The following SDK1 variants were observed in gnomAD, a reference collection of about 807,000 sequenced individuals.
The protein encoded by SDK1 is protein sidekick-1.
Under a neutral mutation model 245.5 loss-of-function variants are expected in SDK1, and 157 were observed. The ratio of observed to expected loss-of-function variants is 0.64; its 90% CI spans 0.56 to 0.73. The LOEUF (loss-of-function observed/expected upper bound fraction) is 0.73, where lower values mean the gene tolerates loss of function less well. SDK1 is among the 30% of genes least tolerant of loss of function. The probability of loss-of-function intolerance (pLI) is 0.00; values close to 1 mark genes in which losing one functional copy is unlikely to be tolerated. For missense variants in SDK1, 3,583 were observed against 3,002.3 expected (o/e 1.19, Z -4.52); for synonymous variants, 1,647 against 1,278.5 (o/e 1.29, Z -6.15).
At chr7:3,778,371 G>C (rs915889592) in intron 4 of SDK1, among the ~76,000 whole-genome samples, 1 of 152,164 alleles carries the variant, frequency 6.6e-6, no homozygotes, top group African/African-American at 2.4e-5. Flanking sequence ...TAATGCTTTT[G>C]TTAAGTGTTT....
At chr7:3,382,658 G>C (rs1781516400) in intron 1 of SDK1, among the ~76,000 whole-genome samples, 3 of 152,122 alleles carry the variant, frequency 2.0e-5, no homozygotes, top group Admixed American at 6.5e-5. Flanking sequence ...CTTTAAATGA[G>C]TATGTTTGAT....
At chr7:3,828,794 G>A (rs1779843253) in intron 5 of SDK1, among the ~76,000 whole-genome samples, 1 of 151,750 alleles carries the variant, frequency 6.6e-6, no homozygotes. Context: ...TGGGACTACA[G>A]GCATGAACCA....
At chr7:3,344,018 CAAAAA>C (rs397939224) in intron 1 of SDK1, among the ~76,000 whole-genome samples, 8 of 122,544 alleles carry the variant, frequency 6.5e-5, no homozygotes, top group African/African-American at 8.3e-5. Context: ...CACATACAAC[CAAAAA>C]AAAAAAAAAA....
intron 1 of SDK1, among the ~76,000 whole-genome samples, chr7:3,332,323 C>T (rs1054736043): frequency 1.5e-4 from 23 of 152,244 alleles, no homozygotes; most frequent in African/African-American, 5.5e-4. Context: ...TAGCAGGGCT[C>T]CATCCTTTAA....
At chr7:3,345,810 G>C (rs995368266) in intron 1 of SDK1, among the ~76,000 whole-genome samples, 1 of 152,158 alleles carries the variant, frequency 6.6e-6, no homozygotes, top group African/African-American at 2.4e-5. Flanking sequence ...ATATTGAATA[G>C]CTTCTCGCAG....
intron 1 of SDK1, among the ~76,000 whole-genome samples, chr7:3,597,271 CAAAAAAAA>C (rs59830553): frequency 4.5e-5 from 4 of 89,472 alleles, no homozygotes; most frequent in African/African-American, 8.2e-5. Flanking sequence ...GACTTGGTCT[CAAAAAAAA>C]AAAAAAAAAA....
At chr7:3,596,507 A>C (rs964195014) in intron 1 of SDK1, among the ~76,000 whole-genome samples, 3 of 152,228 alleles carry the variant, frequency 2.0e-5, no homozygotes, top group Admixed American at 2.0e-4. Context: ...TGTTAAGTGC[A>C]TAAGCCGGTA....
chr7:3,472,397 G>T (rs958049455), intron 1 of SDK1, among the ~76,000 whole-genome samples: 1 of 152,088 alleles, frequency 6.6e-6, no homozygotes, highest in Non-Finnish European at 1.5e-5. Flanking sequence ...AAAAAAATTA[G>T]TAATTTTTCC....
At chr7:4,035,364 T>C (rs947039535) in intron 17 of SDK1, among the ~76,000 whole-genome samples, 1 of 152,200 alleles carries the variant, frequency 6.6e-6, no homozygotes, top group Non-Finnish European at 1.5e-5. Flanking sequence ...GACAGAATTG[T>C]ATACTGAGTT....
At chr7:3,667,358 G>T (rs1175222023) in intron 4 of SDK1, among the ~76,000 whole-genome samples, 1 of 152,030 alleles carries the variant, frequency 6.6e-6, no homozygotes. Context: ...TGACATTTTG[G>T]CAATAAGTCA....
At chr7:4,112,060 C>T (rs546520272) in intron 23 of SDK1, among the ~76,000 whole-genome samples, 11 of 152,294 alleles carry the variant, frequency 7.2e-5, no homozygotes, top group South Asian at 6.2e-4. Context: ...TGAGGATGCA[C>T]CCGTGACCCA....
Position 4,017,162 on chromosome 7 carries a change from G to A in SDK1, c.2421-9G>A, listed in dbSNP as rs578098793. 1.1e-5 allele frequency: 17 copies of A among 1,599,044 alleles called. 1 individual carries two copies. Among genetic ancestry groups the A allele is most frequent in the African/African-American group, 4.0e-5 (3 of 74,624 alleles). ...TTCCTTATCGTGATGGGCTTCCTTCGTGGCGCAGGTACCGCCTGGCTGGCC... is the reference window on the plus strand; with the variant it reads ...TTCCTTATCGTGATGGGCTTCCTTCATGGCGCAGGTACCGCCTGGCTGGCC... On this transcript the variant is annotated splice_polypyrimidine_tract_variant and intron_variant, in intron 16 of 44. Transcript: ENST00000404826.
chr7:3,415,092 G>A (rs544994715), intron 1 of SDK1, among the ~76,000 whole-genome samples: 50 of 152,138 alleles, frequency 3.3e-4, no homozygotes, highest in Non-Finnish European at 5.9e-4. Context: ...ACATAGGAGT[G>A]TAATTGCTGG....
At chr7:3,445,914 T>C (rs542722145) in intron 1 of SDK1, among the ~76,000 whole-genome samples, 2 of 152,274 alleles carry the variant, frequency 1.3e-5, no homozygotes, top group South Asian at 2.1e-4. Flanking sequence ...TTCAACTTTC[T>C]TTACATATTC....
intron 5 of SDK1, among the ~76,000 whole-genome samples, chr7:3,900,009 G>A (rs1410222060): frequency 6.6e-6 from 1 of 152,200 alleles, no homozygotes; most frequent in Non-Finnish European, 1.5e-5. Context: ...TCAGCCATGT[G>A]GAAAGCTGTA....
At position 4,127,454 on chromosome 7, in the gene SDK1, C is replaced by A; in HGVS notation, c.3897C>A (p.Ser1299=). 6.2e-7 allele frequency: 1 copy of A among 1,614,132 alleles called. No homozygotes were observed. Among genetic ancestry groups the A allele is most frequent in the Non-Finnish European group, 8.5e-7 (1 of 1,180,006 alleles). Residue 1299 remains serine (S), a synonymous_variant, in exon 26 of 45, where the codon TCC becomes TCA. Transcript: ENST00000404826. The stretch of plus-strand genomic sequence containing the variant: ...CCCAGATTTTACTGACATGGACATC[C>A]GTGCCGGAACAGGACCAGAATGGGC... ...SSTQILLTWT[S]VPEQDQNGLI... is the part of the protein sequence containing the mutation.
intron 4 of SDK1, among the ~76,000 whole-genome samples, chr7:3,743,070 C>T (rs992572564): frequency 5.9e-5 from 9 of 152,214 alleles, no homozygotes; most frequent in Non-Finnish European, 7.3e-5. Flanking sequence ...GAGCAATGTA[C>T]GTGTTGTGTG....
intron 4 of SDK1, among the ~76,000 whole-genome samples, chr7:3,660,165 C>G (rs1783307863): frequency 6.6e-6 from 1 of 151,906 alleles, no homozygotes; most frequent in Non-Finnish European, 1.5e-5. Context: ...AGAGAGATTT[C>G]AGACACAGCA....
intron 1 of SDK1, among the ~76,000 whole-genome samples, chr7:3,327,522 C>G (rs1364424237): frequency 6.6e-6 from 1 of 152,050 alleles, no homozygotes; most frequent in Non-Finnish European, 1.5e-5. Context: ...ACCCATCTCT[C>G]CAAACAGGGA....
Sources: allele counts gnomAD v4.1 joint callset (sites outside exome capture counted in the v4.1 genomes callset), GRCh38; gene constraint gnomAD v4.1.1; transcripts MANE v1.5; gene names NCBI Gene and HGNC (gene_info 2026-07-23, HGNC 2026-07-21).